CSMD1: variants seen among roughly 807,000 people sequenced by gnomAD.
The protein encoded by CSMD1 is CUB and Sushi multiple domains 1.
Under a neutral mutation model 417.5 loss-of-function variants are expected in CSMD1, and 213 were observed. The observed-to-expected ratio is 0.51, with a 90% CI of 0.46 to 0.57. The LOEUF (loss-of-function observed/expected upper bound fraction) is 0.57, where lower values mean the gene tolerates loss of function less well. Among genes scored for constraint, CSMD1 ranks in the 20% least tolerant of loss-of-function variants. The pLI is 0.00. For missense variants in CSMD1, 6,923 were observed against 4,529.7 expected, an observed-to-expected ratio of 1.53 and a Z score of -15.17; for synonymous variants, 2,862 against 1,736.8, an observed-to-expected ratio of 1.65 and a Z score of -16.11.
At chr8:3,293,374 C>T (rs1018205139) in intron 25 of CSMD1, among the ~76,000 whole-genome samples, 6 of 152,076 alleles carry the variant, frequency 3.9e-5, no homozygotes, top group Non-Finnish European at 8.8e-5. Flanking sequence ...TGTTGGCCTG[C>T]CTTGCTAGAT....
intron 4 of CSMD1, among the ~76,000 whole-genome samples, chr8:4,028,824 T>C (rs1390378023): frequency 6.6e-6 from 1 of 152,232 alleles, no homozygotes; most frequent in Non-Finnish European, 1.5e-5. Flanking sequence ...AAGACCTCAA[T>C]AAATGTTAGG....
At chr8:3,919,805 T>C (rs556087275) in intron 5 of CSMD1, among the ~76,000 whole-genome samples, 1 of 152,270 alleles carries the variant, frequency 6.6e-6, no homozygotes, top group African/African-American at 2.4e-5. Context: ...TTCAATTTTC[T>C]TCATAAATAT....
In CSMD1 at chr8:3,290,435, A is replaced by C. The variant is rs187261361; in HGVS notation, c.3951-6089T>G. On this transcript the variant is annotated intron_variant, in intron 25 of 69. Transcript: ENST00000635120. ...CCTTGGGCGGTATGGCCATTTTCAC[A>C]ATATTGATTCTTCCTACCTATGAGC... Among the ~76,000 whole-genome samples the C allele has an allele frequency of 2.7e-5, 4 of 146,240 alleles. 1 individual carries two copies. Among genetic ancestry groups the C allele is most frequent in the Admixed American group, 2.0e-4 (3 of 14,820 alleles).
chr8:3,269,169 T>C (rs1035507641), intron 26 of CSMD1, among the ~76,000 whole-genome samples: 5 of 152,230 alleles, frequency 3.3e-5, no homozygotes, highest in African/African-American at 1.2e-4. Flanking sequence ...TTCGTATCTG[T>C]GTCATGGACC....
rs574691219 is a variant in CSMD1, at chr8:4,173,768, A to G, written c.416-141669T>C. 1.1e-4 allele frequency among the ~76,000 whole-genome samples: 16 copies of G among 152,246 alleles called. No individual in the cohort carries two copies. The East Asian group carries it at 2.5e-3, about 24-fold the overall frequency. ...AAAACTTATTTTCAATATTAAAAGT[A>G]ACTCATTCTATGACTCAAAAGTTAG... On this transcript the variant is annotated intron_variant, in intron 3 of 69. Coordinates refer to ENST00000635120, the MANE Select transcript of CSMD1 (RefSeq NM_033225.6).
intron 5 of CSMD1, among the ~76,000 whole-genome samples, chr8:3,809,274 T>C (rs1253158655): frequency 1.6e-4 from 24 of 152,152 alleles, no homozygotes; most frequent in Admixed American, 1.6e-3. Flanking sequence ...TCAGCTCCCT[T>C]TGCCATATCA....
At chr8:4,210,048 C>G (rs1311167455) in intron 3 of CSMD1, among the ~76,000 whole-genome samples, 1 of 152,154 alleles carries the variant, frequency 6.6e-6, no homozygotes, top group Admixed American at 6.5e-5. Flanking sequence ...TGTCTAAGCC[C>G]TGCTTCCTGA....
intron 5 of CSMD1, among the ~76,000 whole-genome samples, chr8:3,813,206 C>T (rs371992792): frequency 1.3e-5 from 2 of 150,700 alleles, no homozygotes; most frequent in East Asian, 4.0e-4. Flanking sequence ...AGTCAGGTAT[C>T]CTTGCTAATA....
At chr8:4,866,159 A>G (rs1802408910) in intron 1 of CSMD1, among the ~76,000 whole-genome samples, 2 of 151,958 alleles carry the variant, frequency 1.3e-5, no homozygotes, top group South Asian at 4.1e-4. Context: ...AAAGTTTATG[A>G]CATCTGTTTA....
At chr8:3,290,722 TG>T (rs1803490401) in intron 25 of CSMD1, among the ~76,000 whole-genome samples, 6 of 147,272 alleles carry the variant, frequency 4.1e-5, no homozygotes, top group Admixed American at 4.0e-4. Context: ...AAGGAGATTT[TG>T]GGCTGAGACA....
At chr8:4,855,010 C>T (rs534329304) in intron 1 of CSMD1, among the ~76,000 whole-genome samples, 1 of 152,152 alleles carries the variant, frequency 6.6e-6, no homozygotes, top group African/African-American at 2.4e-5. Context: ...ACTTAAATGT[C>T]CCTGTCTGAC....
At chr8:3,836,940 A>C (rs900282150) in intron 5 of CSMD1, among the ~76,000 whole-genome samples, 1 of 152,010 alleles carries the variant, frequency 6.6e-6, no homozygotes, top group Non-Finnish European at 1.5e-5. Flanking sequence ...CAATGCACTA[A>C]AGTTGGCAAA....
At chr8:3,909,033 T>C (rs554539144) in intron 5 of CSMD1, among the ~76,000 whole-genome samples, 2 of 152,308 alleles carry the variant, frequency 1.3e-5, no homozygotes, top group Non-Finnish European at 2.9e-5. Context: ...CTTTTTCACA[T>C]TGTGGGTGAA....
intron 11 of CSMD1, among the ~76,000 whole-genome samples, chr8:3,487,958 T>G (rs1282079633): frequency 6.6e-6 from 1 of 152,136 alleles, no homozygotes; most frequent in East Asian, 1.9e-4. Context: ...GATGTGTATT[T>G]TATGAGTAAT....
chr8:3,563,653 G>C (rs966357710), intron 10 of CSMD1, among the ~76,000 whole-genome samples: 2 of 152,116 alleles, frequency 1.3e-5, no homozygotes, highest in African/African-American at 2.4e-5. Flanking sequence ...CACTTTGGGA[G>C]GCTGAGGCGG....
At chr8:3,795,412 GATAT>G (rs1441544406) in intron 5 of CSMD1, among the ~76,000 whole-genome samples, 2 of 33,514 alleles carry the variant, frequency 6.0e-5, no homozygotes, top group African/African-American at 1.1e-4. Flanking sequence ...CATAGATATA[GATAT>G]ATATCTATCA....
intron 5 of CSMD1, among the ~76,000 whole-genome samples, chr8:3,917,008 C>A (rs576962452): frequency 6.6e-6 from 1 of 152,036 alleles, no homozygotes; most frequent in Admixed American, 6.6e-5. Context: ...CCCTATGAAG[C>A]ATTGTTGATA....
Position 3,853,917 on chromosome 8 carries a change from G to C in CSMD1, c.819-99875C>G, listed in dbSNP as rs372157789. ...TACTTTAATATATTAATACATTAAA[G>C]TATAATATATTAATATATTAAAGTA... On this transcript the variant is annotated intron_variant, in intron 5 of 69. Coordinates refer to ENST00000635120, the MANE Select transcript of CSMD1 (RefSeq NM_033225.6). Among the ~76,000 whole-genome samples, 17 of 144,322 alleles carry C rather than the reference G, an allele frequency of 1.2e-4. 1 individual carries two copies. The highest frequency in any genetic ancestry group is 9.9e-4 in the East Asian group (5 of 5,050). 94.7% of individuals were successfully genotyped at this position (144,322 alleles called of 152,430 possible).
chr8:4,578,865 T>C (rs1048127571), intron 2 of CSMD1, among the ~76,000 whole-genome samples: 1 of 148,100 alleles, frequency 6.8e-6, no homozygotes, highest in African/African-American at 2.5e-5. Context: ...GGCGGCATTA[T>C]AGAAGGCACA....
Sources: allele counts gnomAD v4.1 joint callset (sites outside exome capture counted in the v4.1 genomes callset), GRCh38; gene constraint gnomAD v4.1.1; transcripts MANE v1.5; gene names NCBI Gene and HGNC (gene_info 2026-07-23, HGNC 2026-07-21).